Variants in CAPZA1 observed in about 807,000 individuals in gnomAD.
The protein encoded by CAPZA1 is F-actin-capping protein subunit alpha-1.
Under a neutral mutation model 40.8 loss-of-function variants are expected in CAPZA1, and 10 were observed. The ratio of observed to expected loss-of-function variants is 0.25; its 90% confidence interval spans 0.15 to 0.42. The LOEUF is 0.42. CAPZA1 is among the 10% of genes least tolerant of loss of function. The pLI, the probability that CAPZA1 is intolerant of heterozygous loss-of-function variation, is 1.00. For synonymous variants in CAPZA1, 98 were observed against 115.0 expected (o/e 0.85, Z 0.95); for missense variants, 277 against 353.8 (o/e 0.78, Z 1.74).
chr1:112,652,693 G>T (rs535692539), intron 3 of CAPZA1, among the ~76,000 whole-genome samples: 2 of 144,666 alleles, frequency 1.4e-5, no homozygotes, highest in African/African-American at 5.1e-5. Context: ...CTGACATGGG[G>T]AAAAAAAAAA....
At chr1:112,650,242 T>C (rs533313141) in intron 3 of CAPZA1, among the ~76,000 whole-genome samples, 5 of 152,224 alleles carry the variant, frequency 3.3e-5, no homozygotes, top group Non-Finnish European at 5.9e-5. Context: ...TTGGGTATGA[T>C]ATATAATTGG....
At chr1:112,632,897 C>T (rs1670948380) in intron 1 of CAPZA1, among the ~76,000 whole-genome samples, 1 of 152,092 alleles carries the variant, frequency 6.6e-6, no homozygotes, top group South Asian at 2.1e-4. Flanking sequence ...TTGGAAATGC[C>T]AGCATCTATT....
intron 8 of CAPZA1, 78 bp downstream of exon 8, chr1:112,667,223 G>A: frequency 2.0e-6 from 2 of 989,260 alleles, no homozygotes; most frequent in East Asian, 4.9e-5. Context: ...CCTGAGTGCT[G>A]ATTCTGCCAG....
chr1:112,644,723 A>G (rs569705756), intron 1 of CAPZA1, among the ~76,000 whole-genome samples: 16 of 152,300 alleles, frequency 1.1e-4, no homozygotes, highest in African/African-American at 3.8e-4. Context: ...GGGAATTTTC[A>G]TCCTTTCTCT....
chr1:112,640,663 C>T (rs948974811), intron 1 of CAPZA1, among the ~76,000 whole-genome samples: 1 of 152,176 alleles, frequency 6.6e-6, no homozygotes, highest in African/African-American at 2.4e-5. Flanking sequence ...TCTGCCCGGC[C>T]GCCCCTGCTG....
chr1:112,636,843 G>A (rs1671030309), intron 1 of CAPZA1, among the ~76,000 whole-genome samples: 1 of 152,168 alleles, frequency 6.6e-6, no homozygotes, highest in Non-Finnish European at 1.5e-5. Flanking sequence ...TAACTGCTTA[G>A]TCATTTCCCT....
intron 5 of CAPZA1, among the ~76,000 whole-genome samples, chr1:112,655,552 C>CTGT (rs892822180): frequency 2.6e-5 from 4 of 151,490 alleles, no homozygotes; most frequent in African/African-American, 7.3e-5. Context: ...GTTGTTTTTG[C>CTGT]TGTTGTTGTT....
At chr1:112,654,721 C>T in intron 5 of CAPZA1, 50 bp downstream of exon 5, 1 of 1,301,192 alleles carries the variant, frequency 7.7e-7, no homozygotes, top group Non-Finnish European at 1.1e-6. Flanking sequence ...TTATATTTAC[C>T]TTATCCTTTG....
intron 1 of CAPZA1, among the ~76,000 whole-genome samples, chr1:112,623,269 A>G (rs1670721923): frequency 6.6e-6 from 1 of 152,236 alleles, no homozygotes; most frequent in South Asian, 2.1e-4. Flanking sequence ...AGCAAGCCCT[A>G]AAGATTGTTT....
intron 8 of CAPZA1, among the ~76,000 whole-genome samples, chr1:112,668,957 G>C (rs1671776333): frequency 6.6e-6 from 1 of 152,230 alleles, no homozygotes. Flanking sequence ...TAGGACTGCA[G>C]CTCTAGATAT....
chr1:112,652,704 A>C (rs1186221713), intron 3 of CAPZA1, among the ~76,000 whole-genome samples: 2 of 152,016 alleles, frequency 1.3e-5, no homozygotes, highest in African/African-American at 2.4e-5. Context: ...AAAAAAAAAA[A>C]CTAGCAGTCT....
intron 7 of CAPZA1, among the ~76,000 whole-genome samples, chr1:112,660,104 A>G (rs2101182214): frequency 6.6e-6 from 1 of 152,028 alleles, no homozygotes; most frequent in South Asian, 2.1e-4. Flanking sequence ...TTTGGGACAG[A>G]GTTTCACTCC....
chr1:112,648,680 A>G (rs1339138234), intron 2 of CAPZA1, among the ~76,000 whole-genome samples: 1 of 150,820 alleles, frequency 6.6e-6, no homozygotes, highest in African/African-American at 2.4e-5. Context: ...CTTAACTAAC[A>G]GGCCAGGCGT....
rs185488611 is a variant in CAPZA1 at position 112,625,220 on chromosome 1, G to T, written c.39+5337G>T. ...ATTGGTGCTCTGCCATGCCACTGCT[G>T]GGAACATTTGACCCCTCTGGGAGCA... On this transcript the variant is annotated intron_variant, in intron 1 of 9. Coordinates refer to ENST00000263168, the MANE Select transcript of CAPZA1 (RefSeq NM_006135.3). Among the ~76,000 whole-genome samples, 87 of 152,196 alleles carry T rather than the reference G, an allele frequency of 5.7e-4. 1 individual carries two copies. The highest frequency in any genetic ancestry group is 5.3e-3 in the Admixed American group (81 of 15,272).
chr1:112,659,628 G>C, intron 6 of CAPZA1, 73 bp from the exon 7 acceptor site: 1 of 1,069,564 alleles, frequency 9.3e-7, no homozygotes, highest in Non-Finnish European at 1.4e-6. Flanking sequence ...CCCAACTTCT[G>C]TACCTCAGTG....
chr1:112,665,354 A>C (rs951810090), intron 7 of CAPZA1, among the ~76,000 whole-genome samples: 1 of 151,192 alleles, frequency 6.6e-6, no homozygotes, highest in African/African-American at 2.4e-5. Context: ...TTTTTTTTGT[A>C]TTTTTAGTAG....
At chr1:112,647,081 A>G (rs1251839820) in intron 1 of CAPZA1, 129 bp from the exon 2 acceptor site, 5 of 453,876 alleles carry the variant, frequency 1.1e-5, no homozygotes, top group Non-Finnish European at 1.5e-5. Flanking sequence ...GAAGACTCCT[A>G]AACAGTAAAT....
intron 7 of CAPZA1, 89 bp downstream of exon 7, chr1:112,659,868 T>G: frequency 2.1e-6 from 2 of 934,184 alleles, no homozygotes; most frequent in South Asian, 2.8e-5. Context: ...ACCAAGTATG[T>G]GTAGATGCAA....
At chr1:112,669,452 A>G (rs971322668) in intron 8 of CAPZA1, 91 bp from the exon 9 acceptor site, 37 of 880,004 alleles carry the variant, frequency 4.2e-5, no homozygotes, top group Non-Finnish European at 6.8e-5. Context: ...ATTGTCATAC[A>G]AATGTTAGTT....
Sources: allele counts gnomAD v4.1 joint callset (sites outside exome capture counted in the v4.1 genomes callset), GRCh38; gene constraint gnomAD v4.1.1; transcripts MANE v1.5; gene names NCBI Gene and HGNC (gene_info 2026-07-23, HGNC 2026-07-21).